The following TTN variants were observed in gnomAD, a reference collection of about 807,000 sequenced individuals.
The protein encoded by TTN is connectin.
In TTN, 1,525 loss-of-function variants were observed where a neutral mutation model predicts 3,223.0. That is an observed-to-expected ratio of 0.47 (90% CI 0.45 to 0.49). TTN has a LOEUF of 0.49. TTN is among the 20% of genes least tolerant of loss of function. TTN has a pLI of 0.00. For missense variants in TTN, 40,786 were observed against 43,424.0 expected, an observed-to-expected ratio of 0.94 and a Z score of 5.40; for synonymous variants, 14,094 against 15,161.0, an observed-to-expected ratio of 0.93 and a Z score of 5.17.
intron 1 of TTN, among the ~76,000 whole-genome samples, chr2:178,804,935 G>A (rs773516657): frequency 1.3e-5 from 2 of 152,178 alleles, no homozygotes; most frequent in Non-Finnish European, 2.9e-5. Context: ...GTCAAAGAGG[G>A]AATATACAGT....
At chr2:178,803,230 T>C (rs2094151929) in intron 2 of TTN, among the ~76,000 whole-genome samples, 1 of 152,172 alleles carries the variant, frequency 6.6e-6, no homozygotes, top group South Asian at 2.1e-4. Context: ...AAATAGTTTA[T>C]TGGACTGATT....
chr2:178,794,680 G>T, intron 7 of TTN, 129 bp from the exon 8 acceptor site: 1 of 1,172,124 alleles, frequency 8.5e-7, no homozygotes, highest in East Asian at 2.4e-5. Context: ...TTATTGCCAA[G>T]AAATACAGAG....
At chr2:178,707,321 T>C (rs1057355883) in intron 100 of TTN, among the ~76,000 whole-genome samples, 3 of 152,234 alleles carry the variant, frequency 2.0e-5, no homozygotes, top group African/African-American at 4.8e-5. Context: ...GGTGGTAAAC[T>C]TGTAGTAATT....
chr2:178,595,684 G>A lies in TTN; in HGVS notation c.57670C>T (p.Arg19224Cys), dbSNP rs746014932. 1.3e-5 allele frequency: 21 copies of A among 1,608,268 alleles called. No individual in the cohort carries two copies. The highest frequency in any genetic ancestry group is 5.1e-5 in the Admixed American group (3 of 59,402). ...GTCCATGCTCTGCGGTCAGATTCACGCTTTTCAATGACATAATTGGTGATT... is the reference window on the plus strand; with the variant it reads ...GTCCATGCTCTGCGGTCAGATTCACACTTTTCAATGACATAATTGGTGATT... ...SPITNYVIEK[R>C]ESDRRAWTPV... is the part of the protein sequence containing the mutation. Residue 19224 changes from arginine (R) to cysteine (C), a missense_variant, in exon 295 of 363, where the codon CGT becomes TGT. Physicochemically the swap from Arg to Cys is radical, Grantham distance 180. Transcript: ENST00000589042.
rs1231299676 is a variant in TTN at position 178,680,005 on chromosome 2, C to T, written c.33469G>A (p.Glu11157Lys). The T allele has an allele frequency of 6.2e-7, 1 of 1,613,126 alleles. No homozygotes were observed. The highest frequency in any genetic ancestry group is 8.5e-7 in the Non-Finnish European group (1 of 1,179,468). ...TATTCTTCTACATGGGTTACAACTTCCTCTTCAAAGGCAACCTCTTCTGGT... is the reference window on the plus strand; with the variant it reads ...TATTCTTCTACATGGGTTACAACTTTCTCTTCAAAGGCAACCTCTTCTGGT... Reference protein sequence around the residue: ...LEPEEVAFEEEVVTHVEEYLV... With the variant: ...LEPEEVAFEEKVVTHVEEYLV... Residue 11157 changes from glutamate to lysine, a missense_variant, in exon 140 of 363, where the codon GAA becomes AAA. Glu to Lys is a moderately conservative substitution (Grantham distance 56). Coordinates refer to ENST00000589042, the MANE Select transcript of TTN (RefSeq NM_001267550.2).
rs367589442 is a variant in TTN, at chr2:178,785,616, T to A, written c.2493+4A>T. On this transcript the variant is annotated splice_donor_region_variant and intron_variant, in intron 15 of 362. Coordinates refer to ENST00000589042, the MANE Select transcript of TTN (RefSeq NM_001267550.2). ...TTTCTGTATCATGCTCTGTAACTTC[T>A]TACCTCATATCCATGTTCTGTCTTA... 7.4e-6 allele frequency: 12 copies of A among 1,613,958 alleles called. No homozygotes were observed. The highest frequency in any genetic ancestry group is 1.0e-5 in the Non-Finnish European group (12 of 1,179,990).
At chr2:178,637,481 A>G (rs1576762978) in intron 223 of TTN, 62 bp from the exon 224 acceptor site, 3 of 1,086,070 alleles carry the variant, frequency 2.8e-6, no homozygotes, top group East Asian at 6.2e-5. Context: ...GTTTAATAGT[A>G]AACCATGGAG....
Position 178,665,437 on chromosome 2 carries a change from C to T in TTN, c.35983G>A (p.Val11995Ile), listed in dbSNP as rs1473543749. ...TCCTCAAATATTTTCATTTCAGGGA[C>T]AACTTCTTTCATAGCTTCTGGTGCT... Reference protein sequence around the residue: ...TKAPEAMKEVVPEMKIFEDVP... With the variant: ...TKAPEAMKEVIPEMKIFEDVP... Residue 11995 changes from valine (V) to isoleucine (I), a missense_variant, in exon 165 of 363, where the codon GTC becomes ATC. By Grantham distance (29) the Val-to-Ile change is conservative. Coordinates refer to ENST00000589042, the MANE Select transcript of TTN (RefSeq NM_001267550.2). 6.2e-7 allele frequency: 1 copy of T among 1,612,246 alleles called. No individual in the cohort carries two copies. Among genetic ancestry groups the T allele is most frequent in the African/African-American group, 1.3e-5 (1 of 74,878 alleles).
intron 308 of TTN, among the ~76,000 whole-genome samples, chr2:178,586,158 A>G (rs2048913261): frequency 6.6e-6 from 1 of 152,016 alleles, no homozygotes; most frequent in Non-Finnish European, 1.5e-5. Flanking sequence ...ATGGTATCTC[A>G]TTGTGGTTTT....
In TTN at chr2:178,588,782, A is replaced by T; in HGVS notation, c.62943T>A (p.Thr20981=). 1.9e-6 allele frequency: 3 copies of T among 1,613,382 alleles called. No individual in the cohort carries two copies. Among genetic ancestry groups the T allele is most frequent in the Middle Eastern group, 1.7e-4 (1 of 6,050 alleles). Residue 20981 remains threonine (T), a synonymous_variant, in exon 304 of 363, where the codon ACT becomes ACA. Coordinates refer to ENST00000589042, the MANE Select transcript of TTN (RefSeq NM_001267550.2). ...CATATTCAGGTGGATTCCAAACCAC[A>T]GTCATCTCTTCTTTGCTTACTTTAG... ...EVTKVSKEEM[T]VVWNPPEYDG... is the part of the protein sequence containing the mutation.
intron 211 of TTN, 82 bp downstream of exon 211, chr2:178,649,733 CAT>C (rs2062619010): frequency 2.6e-6 from 4 of 1,554,376 alleles, no homozygotes; most frequent in Non-Finnish European, 3.5e-6. Flanking sequence ...AGTTAACAAA[CAT>C]ATAATACAAC....
At chr2:178,595,952 T>G (rs1370375651) in intron 294 of TTN, 143 bp from the exon 295 acceptor site, 1 of 740,920 alleles carries the variant, frequency 1.3e-6, no homozygotes, top group African/African-American at 1.8e-5. Flanking sequence ...TTTTTCCTTC[T>G]GCTATCTAGT....
Position 178,540,110 on chromosome 2 carries a change from G to A in TTN, c.98056C>T (p.Pro32686Ser). 6.2e-7 allele frequency: 1 copy of A among 1,609,954 alleles called. No homozygotes were observed. Among genetic ancestry groups the A allele is most frequent in the Non-Finnish European group, 8.5e-7 (1 of 1,176,896 alleles). ...TTGACTGTTCCTGGTACCTCAGCAG[G>A]CTCACCAGGTCCACCAGCATTACAA... ...LACNAGGPGE[P>S]AEVPGTVKVT... The change falls in exon 351 of 363, where the codon CCT becomes TCT. Residue 32686 changes from proline (P) to serine (S), a missense_variant. By Grantham distance (74) the Pro-to-Ser change is moderately conservative. Transcript: ENST00000589042.
intron 71 of TTN, 122 bp from the exon 72 acceptor site, chr2:178,724,660 C>T (rs2079031352): frequency 2.0e-6 from 2 of 984,478 alleles, no homozygotes; most frequent in African/African-American, 3.3e-5. Flanking sequence ...TCTCTCTCGA[C>T]TTTAAAGTGT....
At chr2:178,622,593 T>G (rs559529151) in intron 243 of TTN, 77 bp downstream of exon 243, 15 of 1,229,620 alleles carry the variant, frequency 1.2e-5, no homozygotes, top group Non-Finnish European at 1.6e-5. Context: ...CTAACTTTTT[T>G]TTTTCCATTT....
intron 47 of TTN, chr2:178,746,865 T>C: frequency 6.2e-7 from 1 of 1,613,510 alleles, no homozygotes. Context: ...GGCATTTCAT[T>C]GTCTTTTGGC....
At chr2:178,747,352 G>A (rs1390492863) in intron 47 of TTN, 1 of 1,613,270 alleles carries the variant, frequency 6.2e-7, no homozygotes, top group Non-Finnish European at 8.5e-7. Flanking sequence ...AATGTATTGA[G>A]GATTGTTTAG....
Position 178,574,313 on chromosome 2 carries a change from G to A in TTN, c.71819C>T (p.Thr23940Ile), listed in dbSNP as rs1553610793. Residue 23940 changes from threonine (T) to isoleucine (I), a missense_variant, in exon 326 of 363, where the codon ACA becomes ATA. Physicochemically the swap from Thr to Ile is moderately conservative, Grantham distance 89. Coordinates refer to ENST00000589042, the MANE Select transcript of TTN (RefSeq NM_001267550.2). ...AGGCTTAGCCCATTTAAGTGTTACT[G>A]TGTGTCTTGTAATATTTAGAGGTAC... Reference protein sequence around the residue: ...KPVPLNITRHTVTLKWAKPEY... With the variant: ...KPVPLNITRHIVTLKWAKPEY... The A allele has an allele frequency of 1.2e-6, 2 of 1,613,550 alleles. No individual in the cohort carries two copies. The highest frequency in any genetic ancestry group is 2.2e-5 in the East Asian group (1 of 44,764).
Position 178,735,962 on chromosome 2 carries a change from C to T in TTN, c.14484G>A (p.Trp4828Ter). ...VTGTPVIETIWQKDGAALSPS... is the reference protein window; with the variant it reads ...VTGTPVIETI ...GTGAGAGTGCAGCACCATCTTTCTGCCAAATGGTTTCTATCACAGGAGTCC... is the reference window on the plus strand; with the variant it reads ...GTGAGAGTGCAGCACCATCTTTCTGTCAAATGGTTTCTATCACAGGAGTCC... Residue 4828 changes from tryptophan (W) to a stop codon, truncating the protein, a stop_gained, in exon 50 of 363, where the codon TGG becomes TGA. Transcript: ENST00000589042. LOFTEE classifies it high-confidence loss of function. The T allele has an allele frequency of 6.2e-7, 1 of 1,613,808 alleles. No homozygotes were observed.
Sources: gnomAD v4.1 joint callset for allele counts (sites outside exome capture counted in the v4.1 genomes callset) on GRCh38, gnomAD v4.1.1 for gene constraint, MANE v1.5 for transcripts, NCBI Gene and HGNC (gene_info 2026-07-23, HGNC 2026-07-21) for gene names.